POU2F1: variants seen among roughly 807,000 people sequenced by gnomAD.
POU2F1 encodes POU class 2 homeobox 1.
Under a neutral mutation model 84.9 loss-of-function variants are expected in POU2F1, and 16 were observed. That is an observed-to-expected ratio of 0.19 (90% CI 0.13 to 0.29). POU2F1 has a LOEUF of 0.29. Ranked by LOEUF, POU2F1 falls within the 10% of genes least tolerant of loss-of-function variation. The probability of loss-of-function intolerance (pLI) is 1.00; values close to 1 mark genes in which losing one functional copy is unlikely to be tolerated. For synonymous variants in POU2F1, 368 were observed against 368.3 expected, an observed-to-expected ratio of 1.00 and a Z score of 0.01; for missense variants, 738 against 942.6, an observed-to-expected ratio of 0.78 and a Z score of 2.84.
intron 1 of POU2F1, among the ~76,000 whole-genome samples, chr1:167,313,758 T>G (rs1331168076): frequency 2.6e-5 from 4 of 152,208 alleles, no homozygotes; most frequent in Non-Finnish European, 5.9e-5. Flanking sequence ...AATTAAAATA[T>G]TTTGCTATGT....
At position 167,220,968 on chromosome 1, in the gene POU2F1, ACAG is replaced by A; in HGVS notation, c.61+13_61+15del. On this transcript the variant is annotated intron_variant, in intron 1 of 15. Coordinates refer to ENST00000367866, the MANE Select transcript of POU2F1 (RefSeq NM_002697.4). ...GCGGCAGCAGCAGCAGGTAATCATT[ACAG>A]CATTTTACATATTCATATTCATACT... 6.5e-7 allele frequency: 1 copy of A among 1,534,292 alleles called. No individual in the cohort carries two copies. The highest frequency in any genetic ancestry group is 8.7e-7 in the Non-Finnish European group (1 of 1,145,824).
chr1:167,308,090 G>A (rs1365535309), intron 1 of POU2F1, among the ~76,000 whole-genome samples: 1 of 148,522 alleles, frequency 6.7e-6, no homozygotes, highest in Admixed American at 6.7e-5. Context: ...TTTTTTAGAC[G>A]GAGCCTTGCT....
chr1:167,422,261 G>A lies in POU2F1; in HGVS notation c.*6451G>A, dbSNP rs2949663. On this transcript the variant is annotated 3_prime_UTR_variant, in exon 16 of 16. Transcript: ENST00000367866. ...GATGTGCAGTTGAGAAACAGAGGCA[G>A]ACATAGACATGCACCAATTAATTTG... 40,585 of 152,168 alleles carry A rather than the reference G, an allele frequency of 0.27. 5,580 individuals are homozygous for A. Among genetic ancestry groups the A allele is most frequent in the Middle Eastern group, 0.41 (120 of 290 alleles). The allele number at this position is 152,168 out of a possible 1,614,324, so 9.4% of individuals were successfully genotyped here. A position where few individuals can be genotyped will look rare whatever the true frequency, so the allele number is the denominator to read the frequency against.
At chr1:167,404,721 C>T (rs1649448367) in intron 13 of POU2F1, among the ~76,000 whole-genome samples, 1 of 152,174 alleles carries the variant, frequency 6.6e-6, no homozygotes, top group Admixed American at 6.5e-5. Flanking sequence ...ACAAATAACT[C>T]TGAGCTGGGA....
chr1:167,353,386 T>G (rs1658711444), intron 2 of POU2F1, among the ~76,000 whole-genome samples: 2 of 151,454 alleles, frequency 1.3e-5, no homozygotes, highest in South Asian at 4.2e-4. Flanking sequence ...GAAATATCTC[T>G]CTTTACCCCC....
rs1650628099 is a variant in POU2F1 at position 167,421,177 on chromosome 1, A to G, written c.*5367A>G. 1 of 152,230 alleles carries G rather than the reference A, an allele frequency of 6.6e-6. No homozygotes were observed. The highest frequency in any genetic ancestry group is 2.1e-4 in the South Asian group (1 of 4,834). The allele number at this position is 152,230 out of a possible 1,614,324, so 9.4% of individuals were successfully genotyped here. A position where few individuals can be genotyped will look rare whatever the true frequency, so the allele number is the denominator to read the frequency against. ...TGGTAAATCTTTCTCAGCGTTTACA[A>G]ACTTGGCTTTTGAGAAGGGAAAAAT... On this transcript the variant is annotated 3_prime_UTR_variant, in exon 16 of 16. Coordinates refer to ENST00000367866, the MANE Select transcript of POU2F1 (RefSeq NM_002697.4).
rs188297847 is a variant in POU2F1 at position 167,422,741 on chromosome 1, T to G, written c.*6931T>G. The G allele has an allele frequency of 1.1e-4, 17 of 152,190 alleles. No homozygotes were observed. The highest frequency in any genetic ancestry group is 2.5e-4 in the Non-Finnish European group (17 of 68,036). The allele number at this position is 152,190 out of a possible 1,614,324, so 9.4% of individuals were successfully genotyped here. A position where few individuals can be genotyped will look rare whatever the true frequency, so the allele number is the denominator to read the frequency against. On this transcript the variant is annotated 3_prime_UTR_variant, in exon 16 of 16. Transcript: ENST00000367866. ...CCACAGAACTTAAGTGGGATTTGGT[T>G]TAGATACCAAAGACACTGCTAATGT... is the stretch of plus-strand genomic sequence containing the variant.
chr1:167,270,807 G>C (rs1226173038), intron 1 of POU2F1, among the ~76,000 whole-genome samples: 1 of 152,182 alleles, frequency 6.6e-6, no homozygotes, highest in African/African-American at 2.4e-5. Flanking sequence ...GAGAGATGGA[G>C]AGTGAAATTT....
chr1:167,248,077 CA>C (rs1650466224), intron 1 of POU2F1, among the ~76,000 whole-genome samples: 1 of 152,122 alleles, frequency 6.6e-6, no homozygotes, highest in Admixed American at 6.5e-5. Flanking sequence ...AACCTGTTAT[CA>C]GATTTATTTT....
chr1:167,249,932 C>T (rs116969690), intron 1 of POU2F1, among the ~76,000 whole-genome samples: 19 of 152,124 alleles, frequency 1.2e-4, no homozygotes, highest in Admixed American at 9.2e-4. Flanking sequence ...TACCTTTGCC[C>T]ACTTCTTGCT....
At chr1:167,330,341 G>T (rs1656998936) in intron 1 of POU2F1, among the ~76,000 whole-genome samples, 1 of 152,044 alleles carries the variant, frequency 6.6e-6, no homozygotes, top group Admixed American at 6.6e-5. Flanking sequence ...TATGCATAAG[G>T]CATGGCCTAA....
chr1:167,347,518 T>C (rs1195236393), intron 2 of POU2F1, among the ~76,000 whole-genome samples: 2 of 152,222 alleles, frequency 1.3e-5, no homozygotes, highest in Non-Finnish European at 1.5e-5. Context: ...TCTTTTATTT[T>C]CTTTTTTAGA....
chr1:167,255,779 G>A (rs915280464), intron 1 of POU2F1, among the ~76,000 whole-genome samples: 36 of 152,180 alleles, frequency 2.4e-4, no homozygotes, highest in African/African-American at 8.0e-4. Context: ...AGACAAGAAA[G>A]ACGAAGTAAT....
intron 1 of POU2F1, among the ~76,000 whole-genome samples, chr1:167,279,601 C>T (rs1652973426): frequency 6.6e-6 from 1 of 151,974 alleles, no homozygotes; most frequent in Admixed American, 6.6e-5. Flanking sequence ...ACCTGTAATC[C>T]CAACTACTTG....
chr1:167,285,340 C>CAG (rs1553202276), intron 1 of POU2F1, among the ~76,000 whole-genome samples: 2 of 152,206 alleles, frequency 1.3e-5, no homozygotes, highest in Non-Finnish European at 2.9e-5. Context: ...TGCGGTGGCT[C>CAG]ACGCCTGTAA....
At chr1:167,250,063 A>G (rs774855858) in intron 1 of POU2F1, among the ~76,000 whole-genome samples, 1 of 152,132 alleles carries the variant, frequency 6.6e-6, no homozygotes, top group Non-Finnish European at 1.5e-5. Flanking sequence ...TATCTGTAGT[A>G]TCAAATTCTT....
At chr1:167,338,116 T>C in intron 2 of POU2F1, 1 of 417,218 alleles carries the variant, frequency 2.4e-6, no homozygotes, top group Non-Finnish European at 4.6e-6. Flanking sequence ...CAAGTGTGCC[T>C]GCCTCTCCTG....
At chr1:167,301,197 G>C (rs957477247) in intron 1 of POU2F1, among the ~76,000 whole-genome samples, 25 of 151,854 alleles carry the variant, frequency 1.6e-4, no homozygotes, top group African/African-American at 5.8e-4. Flanking sequence ...CTCTCTCTCT[G>C]AATGTTACCT....
chr1:167,362,292 T>A (rs2101820923), intron 2 of POU2F1, among the ~76,000 whole-genome samples: 1 of 152,354 alleles, frequency 6.6e-6, no homozygotes, highest in South Asian at 2.1e-4. Context: ...CTAAGAGTAT[T>A]CTTTTTACCT....
Sources: allele counts gnomAD v4.1 joint callset (sites outside exome capture counted in the v4.1 genomes callset), GRCh38; gene constraint gnomAD v4.1.1; transcripts MANE v1.5; gene names NCBI Gene and HGNC (gene_info 2026-07-23, HGNC 2026-07-21).